The following GRIK1 variants were observed in gnomAD, a reference collection of about 807,000 sequenced individuals.
GRIK1 encodes the protein glutamate receptor ionotropic, kainate 1.
Under a neutral mutation model 105.7 loss-of-function variants are expected in GRIK1, and 69 were observed. The ratio of observed to expected loss-of-function variants is 0.65; its 90% CI spans 0.54 to 0.80. The LOEUF (loss-of-function observed/expected upper bound fraction) is 0.80, where lower values mean the gene tolerates loss of function less well. Ranked by LOEUF, GRIK1 falls within the 30% of genes least tolerant of loss-of-function variation. The pLI is 0.00. For missense variants in GRIK1, 1,109 were observed against 1,167.3 expected (o/e 0.95, Z 0.73); for synonymous variants, 438 against 431.3 (o/e 1.02, Z -0.19).
intron 1 of GRIK1, among the ~76,000 whole-genome samples, chr21:29,820,551 T>C (rs1465731237): frequency 6.6e-6 from 1 of 151,900 alleles, no homozygotes; most frequent in Admixed American, 6.6e-5. Context: ...GGGCGTGAGA[T>C]GTGTGGCTAA....
chr21:29,537,173 T>G lies in GRIK1; in HGVS notation c.*57A>C, dbSNP rs1569068739. 3.1e-6 allele frequency: 4 copies of G among 1,295,074 alleles called. No individual in the cohort carries two copies. Among genetic ancestry groups the G allele is most frequent in the Middle Eastern group, 2.0e-4 (1 of 5,120 alleles). The allele number at this position is 1,295,074 out of a possible 1,614,324, so 80.2% of individuals were successfully genotyped here. Reference sequence around the variant, plus strand: ...ACATCACACACTCCTCAGAAATCCTTTCTCCAAAAATCTGTAGGGAATGCA... The same window carrying G: ...ACATCACACACTCCTCAGAAATCCTGTCTCCAAAAATCTGTAGGGAATGCA... On this transcript the variant is annotated 3_prime_UTR_variant, in exon 18 of 18. Coordinates refer to ENST00000327783, the MANE Select transcript of GRIK1 (RefSeq NM_001330994.2).
chr21:29,939,107 C>T (rs1441740395), intron 1 of GRIK1, among the ~76,000 whole-genome samples: 1 of 152,110 alleles, frequency 6.6e-6, no homozygotes, highest in Non-Finnish European at 1.5e-5. Context: ...GGTGCCGGTC[C>T]CTGCGAACCT....
chr21:29,540,582 G>A (rs1340153680), intron 16 of GRIK1, among the ~76,000 whole-genome samples: 2 of 152,032 alleles, frequency 1.3e-5, no homozygotes, highest in Non-Finnish European at 2.9e-5. Flanking sequence ...CTTGGGAGGG[G>A]CTCATATTCA....
At chr21:29,742,612 T>A (rs754918773) in intron 1 of GRIK1, among the ~76,000 whole-genome samples, 29 of 152,228 alleles carry the variant, frequency 1.9e-4, no homozygotes, top group Non-Finnish European at 3.7e-4. Flanking sequence ...ACACATTTTA[T>A]TTTTTGCCAT....
At chr21:29,898,750 G>GA (rs965237288) in intron 1 of GRIK1, among the ~76,000 whole-genome samples, 4 of 152,120 alleles carry the variant, frequency 2.6e-5, no homozygotes, top group South Asian at 2.1e-4. Context: ...AATTTTATGA[G>GA]AAAAAATGCA....
intron 3 of GRIK1, among the ~76,000 whole-genome samples, chr21:29,674,783 G>C (rs1030343521): frequency 2.6e-5 from 4 of 152,054 alleles, no homozygotes; most frequent in Non-Finnish European, 5.9e-5. Context: ...ACCTCTTTTC[G>C]TTATAAATTA....
chr21:29,828,901 G>A (rs1399182174), intron 1 of GRIK1, among the ~76,000 whole-genome samples: 1 of 152,064 alleles, frequency 6.6e-6, no homozygotes, highest in Non-Finnish European at 1.5e-5. Context: ...ACTTGTTCAA[G>A]GTCACATAAC....
chr21:29,643,964 G>C (rs1227548995), intron 6 of GRIK1, among the ~76,000 whole-genome samples: 1 of 152,026 alleles, frequency 6.6e-6, no homozygotes, highest in Non-Finnish European at 1.5e-5. Flanking sequence ...CACAATCATA[G>C]TGAGAAATCC....
chr21:29,830,162 T>C (rs1305919098), intron 1 of GRIK1, among the ~76,000 whole-genome samples: 1 of 152,190 alleles, frequency 6.6e-6, no homozygotes, highest in Non-Finnish European at 1.5e-5. Flanking sequence ...TGGAAATGTA[T>C]GAATCAAGAA....
chr21:29,794,028 A>T (rs1281232291), intron 1 of GRIK1, among the ~76,000 whole-genome samples: 1 of 152,158 alleles, frequency 6.6e-6, no homozygotes, highest in Admixed American at 6.5e-5. Flanking sequence ...AAAATGTTTT[A>T]AAAAGACCTC....
intron 1 of GRIK1, among the ~76,000 whole-genome samples, chr21:29,700,659 G>C (rs1398499083): frequency 6.6e-6 from 1 of 151,988 alleles, no homozygotes; most frequent in Non-Finnish European, 1.5e-5. Flanking sequence ...CTGTTTCCAT[G>C]GAACAGGGAG....
At chr21:29,785,163 T>C (rs435665) in intron 1 of GRIK1, among the ~76,000 whole-genome samples, 90,480 of 152,118 alleles carry the variant, frequency 0.59, 28,845 homozygotes, top group African/African-American at 0.85. Flanking sequence ...AAATCAGAAG[T>C]ATCACCATTT....
rs766602730 is a variant in GRIK1, at chr21:29,693,903, C to T, written c.279G>A (p.Ser93=). 26 of 1,611,160 alleles carry T rather than the reference C, an allele frequency of 1.6e-5. No individual in the cohort carries two copies. Among genetic ancestry groups the T allele is most frequent in the Middle Eastern group, 1.6e-4 (1 of 6,084 alleles). The change falls in exon 2 of 18, where the codon TCG becomes TCA. Residue 93 remains serine, a synonymous_variant. Coordinates refer to ENST00000327783, the MANE Select transcript of GRIK1 (RefSeq NM_001330994.2). ...RINLFDSFEA[S]RRACDQLALG... is the part of the protein sequence containing the mutation. Reference sequence around the variant, plus strand: ...AAGTGGGAAAATAGTTACCTCTCCGCGAGGCTTCAAAACTATCAAAAAGGT... The same window carrying T: ...AAGTGGGAAAATAGTTACCTCTCCGTGAGGCTTCAAAACTATCAAAAAGGT...
intron 15 of GRIK1, among the ~76,000 whole-genome samples, chr21:29,560,566 TTCTTTCTTTCTC>T (rs1568815871): frequency 4.1e-5 from 5 of 121,492 alleles, no homozygotes; most frequent in South Asian, 2.4e-4. Flanking sequence ...CTTTCTTTCT[TTCTTTCTTTCTC>T]TCTTTCTTTC....
intron 1 of GRIK1, among the ~76,000 whole-genome samples, chr21:29,804,639 T>C (rs2066810629): frequency 1.3e-5 from 2 of 152,196 alleles, no homozygotes; most frequent in South Asian, 2.1e-4. Context: ...AAAGCTTTCT[T>C]TAAAGAGAGA....
intron 1 of GRIK1, among the ~76,000 whole-genome samples, chr21:29,814,196 C>T (rs536726146): frequency 6.6e-6 from 1 of 151,422 alleles, no homozygotes; most frequent in Admixed American, 6.6e-5. Flanking sequence ...GATGATCCAC[C>T]TGCCTCGGCC....
chr21:29,901,848 AG>A (rs1009221011), intron 1 of GRIK1, among the ~76,000 whole-genome samples: 1 of 152,248 alleles, frequency 6.6e-6, no homozygotes, highest in East Asian at 1.9e-4. Flanking sequence ...AAGAAAAAAA[AG>A]GAGAATTTTA....
At chr21:29,887,441 A>G (rs2069672449) in intron 1 of GRIK1, among the ~76,000 whole-genome samples, 1 of 152,184 alleles carries the variant, frequency 6.6e-6, no homozygotes, top group African/African-American at 2.4e-5. Flanking sequence ...CTTTGCTTCC[A>G]TTAAGTAGTC....
intron 7 of GRIK1, among the ~76,000 whole-genome samples, chr21:29,624,018 G>C (rs1157969435): frequency 6.6e-6 from 1 of 152,164 alleles, no homozygotes; most frequent in Non-Finnish European, 1.5e-5. Context: ...TCTAAAAATA[G>C]TGTAATGAAA....
Sources: allele counts gnomAD v4.1 joint callset (sites outside exome capture counted in the v4.1 genomes callset), GRCh38; gene constraint gnomAD v4.1.1; transcripts MANE v1.5; gene names NCBI Gene and HGNC (gene_info 2026-07-23, HGNC 2026-07-21).